ROBO1: variants seen among roughly 807,000 people sequenced by gnomAD.
ROBO1 encodes the protein roundabout guidance receptor 1.
Under a neutral mutation model 195.9 loss-of-function variants are expected in ROBO1, and 149 were observed. The observed-to-expected ratio is 0.76, with a 90% confidence interval of 0.67 to 0.87. The LOEUF (loss-of-function observed/expected upper bound fraction) is 0.87. Among genes scored for constraint, ROBO1 ranks in the 40% least tolerant of loss-of-function variants. ROBO1 has a pLI of 0.00. For missense variants in ROBO1, 1,933 were observed against 2,068.3 expected, an observed-to-expected ratio of 0.93 and a Z score of 1.27; for synonymous variants, 816 against 733.2, an observed-to-expected ratio of 1.11 and a Z score of -1.82.
intron 1 of ROBO1, among the ~76,000 whole-genome samples, chr3:79,728,437 C>T (rs1411477544): frequency 2.0e-5 from 3 of 152,064 alleles, no homozygotes; most frequent in Non-Finnish European, 4.4e-5. Context: ...CATATTTCAT[C>T]GATAACTCTT....
chr3:79,286,350 T>C (rs188284991), intron 2 of ROBO1, among the ~76,000 whole-genome samples: 14 of 152,338 alleles, frequency 9.2e-5, no homozygotes, highest in Admixed American at 9.1e-4. Flanking sequence ...ATTTGTCCCA[T>C]ATCTCCCAAT....
intron 2 of ROBO1, among the ~76,000 whole-genome samples, chr3:79,389,188 C>A (rs1490146078): frequency 6.6e-6 from 1 of 151,920 alleles, no homozygotes; most frequent in East Asian, 1.9e-4. Context: ...AAAAAACTAA[C>A]CCTGAATTTG....
At chr3:78,868,732 G>GA (rs1406108312) in intron 4 of ROBO1, among the ~76,000 whole-genome samples, 3 of 152,014 alleles carry the variant, frequency 2.0e-5, no homozygotes, top group Non-Finnish European at 2.9e-5. Context: ...CAGCATAAAA[G>GA]GGGAAAAAAA....
chr3:79,349,376 A>G (rs2035254690), intron 2 of ROBO1, among the ~76,000 whole-genome samples: 1 of 152,174 alleles, frequency 6.6e-6, no homozygotes. Flanking sequence ...TAAGATGGCA[A>G]TATTCCCCTA....
rs533278436 is a variant in ROBO1, at chr3:78,622,600, A to G, written c.3876-4559T>C. On this transcript the variant is annotated intron_variant, in intron 26 of 30. Coordinates refer to ENST00000464233, the MANE Select transcript of ROBO1 (RefSeq NM_002941.4). ...CTCCCATTCCAAATGCTATTCTGAA[A>G]TGAGAACTCGCCATTCTCCCATCAA... Among the ~76,000 whole-genome samples the G allele has an allele frequency of 2.1e-3, 317 of 152,338 alleles. 4 individuals carry two copies. Among genetic ancestry groups the G allele is most frequent in the African/African-American group, 7.2e-3 (301 of 41,570 alleles).
At chr3:78,899,490 TTA>T (rs1195087495) in intron 4 of ROBO1, among the ~76,000 whole-genome samples, 1 of 152,222 alleles carries the variant, frequency 6.6e-6, no homozygotes, top group African/African-American at 2.4e-5. Flanking sequence ...TAGTTCTAAC[TTA>T]TATAATCCTA....
chr3:79,418,681 G>A (rs149242810), intron 2 of ROBO1, among the ~76,000 whole-genome samples: 1 of 152,220 alleles, frequency 6.6e-6, no homozygotes, highest in African/African-American at 2.4e-5. Context: ...AACTATACAA[G>A]AGAAAGATAG....
chr3:79,226,046 G>A lies in ROBO1; in HGVS notation c.89-100507C>T, dbSNP rs182607043. On this transcript the variant is annotated intron_variant, in intron 2 of 30. Transcript: ENST00000464233. ...AGCACAACCTCCTGTCTTACAGTTT[G>A]CCTTATAAGAAAACCATTTTTTTAA... 3.0e-4 allele frequency among the ~76,000 whole-genome samples: 45 copies of A among 152,206 alleles called. 1 individual carries two copies. In the East Asian group the frequency reaches 3.9e-3, roughly 13 times the overall value.
At chr3:79,430,485 C>A (rs2038633106) in intron 2 of ROBO1, among the ~76,000 whole-genome samples, 1 of 151,850 alleles carries the variant, frequency 6.6e-6, no homozygotes, top group Admixed American at 6.6e-5. Context: ...TTGATTAGAC[C>A]CCTAAGAAAT....
chr3:78,757,946 CAAATACCT>C (rs1459447272), intron 4 of ROBO1, among the ~76,000 whole-genome samples: 2 of 152,076 alleles, frequency 1.3e-5, no homozygotes, highest in Non-Finnish European at 2.9e-5. Flanking sequence ...ATAATAATGC[CAAATACCT>C]AACAGGGCTC....
intron 2 of ROBO1, among the ~76,000 whole-genome samples, chr3:79,339,099 A>G (rs1367833055): frequency 6.6e-6 from 1 of 152,080 alleles, no homozygotes; most frequent in Non-Finnish European, 1.5e-5. Context: ...TTAACTCTCA[A>G]CAGTTTTCAC....
chr3:78,855,880 TA>T (rs1189065826), intron 4 of ROBO1, among the ~76,000 whole-genome samples: 12 of 137,146 alleles, frequency 8.7e-5, no homozygotes, highest in African/African-American at 1.8e-4. Flanking sequence ...CTTTGGAGAA[TA>T]TTTTTTTTTC....
intron 2 of ROBO1, among the ~76,000 whole-genome samples, chr3:79,276,650 A>G (rs918943886): frequency 7.2e-5 from 11 of 152,122 alleles, no homozygotes; most frequent in African/African-American, 2.6e-4. Context: ...AAACTTCTGT[A>G]CAACAAAAGA....
At chr3:79,566,189 C>T (rs1191193840) in intron 2 of ROBO1, among the ~76,000 whole-genome samples, 1 of 152,032 alleles carries the variant, frequency 6.6e-6, no homozygotes, top group Non-Finnish European at 1.5e-5. Flanking sequence ...TTCTCTTTTG[C>T]AAGATAATCA....
chr3:78,743,075 C>T (rs1015404512), intron 5 of ROBO1, among the ~76,000 whole-genome samples: 1 of 152,060 alleles, frequency 6.6e-6, no homozygotes, highest in African/African-American at 2.4e-5. Context: ...CAAGCATACA[C>T]ACAAAATATA....
intron 2 of ROBO1, among the ~76,000 whole-genome samples, chr3:79,158,607 G>T (rs1039580591): frequency 6.6e-6 from 1 of 151,318 alleles, no homozygotes; most frequent in African/African-American, 2.4e-5. Flanking sequence ...AATGTATTTT[G>T]TATTTTGTTG....
At chr3:78,711,361 TC>T (rs1559772946) in intron 8 of ROBO1, among the ~76,000 whole-genome samples, 78 of 40,252 alleles carry the variant, frequency 1.9e-3, no homozygotes, top group African/African-American at 7.2e-3. Flanking sequence ...CTTCCTTCCT[TC>T]CTTCCTTCCT....
intron 3 of ROBO1, among the ~76,000 whole-genome samples, chr3:78,952,473 A>T (rs2040841826): frequency 6.6e-6 from 1 of 151,864 alleles, no homozygotes; most frequent in African/African-American, 2.4e-5. Flanking sequence ...AAGGAGCAGA[A>T]CTGCCTCCAA....
intron 7 of ROBO1, among the ~76,000 whole-genome samples, chr3:78,715,901 TATA>T (rs2081891326): frequency 6.6e-6 from 1 of 152,186 alleles, no homozygotes; most frequent in East Asian, 1.9e-4. Context: ...CCAATGTGCA[TATA>T]ATATTAGGAA....
Sources: allele counts gnomAD v4.1 joint callset (sites outside exome capture counted in the v4.1 genomes callset), GRCh38; gene constraint gnomAD v4.1.1; transcripts MANE v1.5; gene names NCBI Gene and HGNC (gene_info 2026-07-23, HGNC 2026-07-21).